STXBP5L: variants seen among roughly 807,000 people sequenced by gnomAD.
STXBP5L encodes syntaxin binding protein 5L, also known as syntaxin-binding protein 5-like.
STXBP5L carries 65 observed loss-of-function variants against 144.5 expected under a neutral mutation model. The ratio of observed to expected loss-of-function variants is 0.45; its 90% CI spans 0.37 to 0.55. The LOEUF is 0.55. STXBP5L is among the 20% of genes least tolerant of loss of function. The pLI is 0.00. For synonymous variants in STXBP5L, 505 were observed against 469.6 expected (o/e 1.08, Z -0.97); for missense variants, 1,298 against 1,405.5 (o/e 0.92, Z 1.22).
intron 11 of STXBP5L, among the ~76,000 whole-genome samples, chr3:121,231,089 G>T (rs2049293091): frequency 6.6e-6 from 1 of 152,156 alleles, no homozygotes; most frequent in Non-Finnish European, 1.5e-5. Context: ...CTACCTGCCA[G>T]GATGATTAGG....
chr3:121,339,839 A>C (rs942565043), intron 20 of STXBP5L, among the ~76,000 whole-genome samples: 3 of 151,748 alleles, frequency 2.0e-5, no homozygotes, highest in Non-Finnish European at 4.4e-5. Flanking sequence ...CTAGGAATAC[A>C]TTTAACCGGG....
intron 3 of STXBP5L, among the ~76,000 whole-genome samples, chr3:120,978,641 T>C (rs1013210638): frequency 6.7e-6 from 1 of 149,678 alleles, no homozygotes; most frequent in African/African-American, 2.5e-5. Flanking sequence ...GAGTTTCCAG[T>C]TTTTCTGCTC....
intron 22 of STXBP5L, among the ~76,000 whole-genome samples, chr3:121,390,942 TG>T (rs1468093977): frequency 6.6e-6 from 1 of 152,232 alleles, no homozygotes; most frequent in Non-Finnish European, 1.5e-5. Context: ...CTTGCTAAGT[TG>T]GGGAAGTTCT....
In STXBP5L at chr3:121,398,378, G is replaced by A. The variant is rs576528173; in HGVS notation, c.2588-8865G>A. ...AATCTACTGCGGCACTACCGGCTGT[G>A]GTGGGGGACAGATATTGTACAGGGG... is the stretch of plus-strand genomic sequence containing the variant. On this transcript the variant is annotated intron_variant, in intron 22 of 26. Coordinates refer to ENST00000471454, the MANE Select transcript of STXBP5L (RefSeq NM_001308330.2). Among the ~76,000 whole-genome samples, 4 of 152,330 alleles carry A rather than the reference G, an allele frequency of 2.6e-5. No individual in the cohort carries two copies. In the South Asian group the frequency reaches 8.3e-4, roughly 32 times the overall value.
chr3:120,968,986 T>A (rs1294252944), intron 3 of STXBP5L, among the ~76,000 whole-genome samples: 2 of 152,144 alleles, frequency 1.3e-5, no homozygotes, highest in East Asian at 3.8e-4. Context: ...CAATTGTGAA[T>A]TGTGCCACCA....
At chr3:121,097,449 C>T (rs1424895419) in intron 5 of STXBP5L, among the ~76,000 whole-genome samples, 1 of 152,202 alleles carries the variant, frequency 6.6e-6, no homozygotes, top group Non-Finnish European at 1.5e-5. Context: ...GGGTAGGCAC[C>T]ATAGGGAACC....
chr3:121,144,196 A>G (rs2045628012), intron 7 of STXBP5L, among the ~76,000 whole-genome samples: 1 of 151,780 alleles, frequency 6.6e-6, no homozygotes, highest in Admixed American at 6.6e-5. Context: ...TAAGTCTTAA[A>G]TAGACATTTC....
chr3:121,240,520 G>A lies in STXBP5L; in HGVS notation c.1400+13G>A. The A allele has an allele frequency of 6.2e-7, 1 of 1,611,756 alleles. No individual in the cohort carries two copies. On this transcript the variant is annotated intron_variant, in intron 14 of 26. Coordinates refer to ENST00000471454, the MANE Select transcript of STXBP5L (RefSeq NM_001308330.2). The stretch of plus-strand genomic sequence containing the variant: ...TTATTATTACTGGGTAAGTAGATGT[G>A]TTTTGTGAGTTATTAGTTCATCAAC...
At chr3:120,973,959 G>T (rs61160978) in intron 3 of STXBP5L, among the ~76,000 whole-genome samples, 2 of 151,736 alleles carry the variant, frequency 1.3e-5, no homozygotes, top group Non-Finnish European at 2.9e-5. Context: ...CATTTGGGTT[G>T]GTTCCAAGTC....
chr3:121,395,675 A>G (rs1483919792), intron 22 of STXBP5L, among the ~76,000 whole-genome samples: 1 of 152,222 alleles, frequency 6.6e-6, no homozygotes, highest in Non-Finnish European at 1.5e-5. Flanking sequence ...CAATAAGTAT[A>G]ATTGTTCTCT....
intron 2 of STXBP5L, among the ~76,000 whole-genome samples, chr3:120,927,484 C>T (rs1332742940): frequency 6.6e-6 from 1 of 152,162 alleles, no homozygotes; most frequent in Non-Finnish European, 1.5e-5. Context: ...TAATGCTTTC[C>T]CTGGGTTGGG....
chr3:120,947,182 A>G (rs774218253), intron 2 of STXBP5L, among the ~76,000 whole-genome samples: 67 of 151,808 alleles, frequency 4.4e-4, no homozygotes, highest in Non-Finnish European at 7.8e-4. Context: ...CTTTGCTACC[A>G]TTATCTTACT....
intron 3 of STXBP5L, among the ~76,000 whole-genome samples, chr3:120,961,425 C>G (rs924590300): frequency 2.0e-5 from 3 of 152,040 alleles, no homozygotes; most frequent in Non-Finnish European, 2.9e-5. Flanking sequence ...CCTCCCCCAG[C>G]CCTCGTCCCC....
At chr3:121,415,490 T>C (rs2047212275) in intron 24 of STXBP5L, among the ~76,000 whole-genome samples, 1 of 152,150 alleles carries the variant, frequency 6.6e-6, no homozygotes, top group South Asian at 2.1e-4. Flanking sequence ...AGTCTATGCT[T>C]GGTTCAGGGA....
chr3:121,123,299 G>A lies in STXBP5L; in HGVS notation c.669+1595G>A, dbSNP rs185188348. On this transcript the variant is annotated intron_variant, in intron 7 of 26. Coordinates refer to ENST00000471454, the MANE Select transcript of STXBP5L (RefSeq NM_001308330.2). ...TTATCAACATTTAAAACATATATTC[G>A]TTTTTGGAATTTGTTATGACCTAGA... 6.6e-5 allele frequency among the ~76,000 whole-genome samples: 10 copies of A among 151,520 alleles called. No individual in the cohort carries two copies. In the East Asian group the frequency reaches 1.5e-3, roughly 23 times the overall value.
At chr3:121,171,779 A>C (rs964505700) in intron 9 of STXBP5L, among the ~76,000 whole-genome samples, 5 of 152,238 alleles carry the variant, frequency 3.3e-5, no homozygotes, top group African/African-American at 9.6e-5. Flanking sequence ...ATACTGCCCA[A>C]AGTAATTTAT....
At chr3:121,286,497 G>A (rs146534081) in intron 19 of STXBP5L, among the ~76,000 whole-genome samples, 18 of 152,198 alleles carry the variant, frequency 1.2e-4, no homozygotes, top group African/African-American at 4.3e-4. Flanking sequence ...AACAATTATG[G>A]TCTTTTCCTT....
chr3:121,218,875 G>A (rs1416203566), intron 10 of STXBP5L, among the ~76,000 whole-genome samples: 4 of 152,086 alleles, frequency 2.6e-5, no homozygotes, highest in African/African-American at 4.8e-5. Context: ...GTCTCACTAT[G>A]ATATTCATGA....
chr3:120,968,305 A>G lies in STXBP5L; in HGVS notation c.287+13268A>G, dbSNP rs191409321. ...TCTGGTGTTGACTGCATATATCTTTATAACTGTAATATCCTGTTATTGTAT... is the reference window on the plus strand; with the variant it reads ...TCTGGTGTTGACTGCATATATCTTTGTAACTGTAATATCCTGTTATTGTAT... On this transcript the variant is annotated intron_variant, in intron 3 of 26. Coordinates refer to ENST00000471454, the MANE Select transcript of STXBP5L (RefSeq NM_001308330.2). 4.6e-5 allele frequency among the ~76,000 whole-genome samples: 7 copies of G among 152,276 alleles called. No individual in the cohort carries two copies. The East Asian group carries it at 7.7e-4, about 17-fold the overall frequency.
Sources: gnomAD v4.1 joint callset for allele counts (sites outside exome capture counted in the v4.1 genomes callset) on GRCh38, gnomAD v4.1.1 for gene constraint, MANE v1.5 for transcripts, NCBI Gene and HGNC (gene_info 2026-07-23, HGNC 2026-07-21) for gene names.